The following CHCHD6 variants were observed in gnomAD, a reference collection of about 807,000 sequenced individuals.
The protein encoded by CHCHD6 is coiled-coil-helix-coiled-coil-helix domain containing 6.
In CHCHD6, 28 loss-of-function variants were observed where a neutral mutation model predicts 32.3. That is an observed-to-expected ratio of 0.87 (90% CI 0.64 to 1.19). The LOEUF is 1.19. Ranked by LOEUF, CHCHD6 falls within the 50% of genes most tolerant of loss-of-function variation. The pLI is 0.00. For synonymous variants in CHCHD6, 122 were observed against 117.5 expected, an observed-to-expected ratio of 1.04 and a Z score of -0.25; for missense variants, 333 against 307.0, an observed-to-expected ratio of 1.08 and a Z score of -0.63.
intron 5 of CHCHD6, among the ~76,000 whole-genome samples, chr3:126,899,135 A>G (rs907342071): frequency 6.6e-6 from 1 of 152,204 alleles, no homozygotes; most frequent in Non-Finnish European, 1.5e-5. Flanking sequence ...CTTTCTGTGC[A>G]GTGTTTGGAG....
intron 5 of CHCHD6, among the ~76,000 whole-genome samples, chr3:126,911,177 T>G (rs1454123093): frequency 6.6e-6 from 1 of 152,164 alleles, no homozygotes; most frequent in Admixed American, 6.5e-5. Context: ...GAGGACTGGC[T>G]GAGTACCCCA....
intron 4 of CHCHD6, among the ~76,000 whole-genome samples, chr3:126,850,117 T>A (rs1299985348): frequency 6.6e-6 from 1 of 152,226 alleles, no homozygotes; most frequent in Admixed American, 6.5e-5. Context: ...TGTCAGTCAT[T>A]GGGATTGCAT....
intron 5 of CHCHD6, among the ~76,000 whole-genome samples, chr3:126,877,547 T>G (rs1341135233): frequency 7.1e-6 from 1 of 141,164 alleles, no homozygotes; most frequent in Non-Finnish European, 1.6e-5. Flanking sequence ...AGAGTGAGAC[T>G]CCATCTCAAA....
intron 5 of CHCHD6, among the ~76,000 whole-genome samples, chr3:126,914,057 C>CAGAT (rs1299150154): frequency 2.6e-5 from 4 of 152,166 alleles, no homozygotes; most frequent in African/African-American, 9.7e-5. Flanking sequence ...ACAATCTGGA[C>CAGAT]AGATGGTTGC....
intron 4 of CHCHD6, among the ~76,000 whole-genome samples, chr3:126,798,134 G>C (rs969030871): frequency 4.6e-5 from 7 of 152,182 alleles, no homozygotes; most frequent in Non-Finnish European, 1.0e-4. Flanking sequence ...TGGTGTGCTG[G>C]AGGTTCTGCG....
intron 1 of CHCHD6, among the ~76,000 whole-genome samples, chr3:126,716,485 C>T (rs1211856651): frequency 3.3e-5 from 5 of 152,062 alleles, no homozygotes; most frequent in Non-Finnish European, 7.4e-5. Context: ...CCCTCTGTAT[C>T]TGTCTCCTCC....
At chr3:126,822,370 A>G (rs1940188508) in intron 4 of CHCHD6, among the ~76,000 whole-genome samples, 1 of 152,212 alleles carries the variant, frequency 6.6e-6, no homozygotes, top group Non-Finnish European at 1.5e-5. Flanking sequence ...AATCAATTGA[A>G]TGTAAATATA....
chr3:126,933,455 C>T (rs1224388227), intron 6 of CHCHD6, among the ~76,000 whole-genome samples: 2 of 152,182 alleles, frequency 1.3e-5, no homozygotes, highest in Non-Finnish European at 1.5e-5. Flanking sequence ...TTATTTGGCT[C>T]ATGGTCCTAC....
At chr3:126,944,305 C>G (rs971398900) in intron 6 of CHCHD6, among the ~76,000 whole-genome samples, 1 of 152,280 alleles carries the variant, frequency 6.6e-6, no homozygotes, top group Non-Finnish European at 1.5e-5. Flanking sequence ...ACATCCACAT[C>G]TGGTGTGTCA....
intron 4 of CHCHD6, among the ~76,000 whole-genome samples, chr3:126,769,955 G>A (rs983365777): frequency 1.3e-5 from 2 of 152,028 alleles, no homozygotes; most frequent in African/African-American, 4.8e-5. Flanking sequence ...CTAGTTTTTT[G>A]TATCCGTGAG....
At chr3:126,831,521 C>T (rs1489206567) in intron 4 of CHCHD6, among the ~76,000 whole-genome samples, 3 of 152,192 alleles carry the variant, frequency 2.0e-5, no homozygotes, top group Admixed American at 6.5e-5. Flanking sequence ...GTGCCCACAA[C>T]ACCTTGTACA....
chr3:126,923,439 C>T (rs1489821806), intron 6 of CHCHD6, among the ~76,000 whole-genome samples: 2 of 152,236 alleles, frequency 1.3e-5, no homozygotes, highest in East Asian at 1.9e-4. Flanking sequence ...TTGAGAGATG[C>T]TCACCAAGTC....
chr3:126,778,070 C>T (rs1462486721), intron 4 of CHCHD6, among the ~76,000 whole-genome samples: 5 of 152,196 alleles, frequency 3.3e-5, no homozygotes, highest in Non-Finnish European at 4.4e-5. Flanking sequence ...ATAATGTGTT[C>T]AAGATTCACC....
At chr3:126,829,799 T>C (rs1940558777) in intron 4 of CHCHD6, among the ~76,000 whole-genome samples, 1 of 152,106 alleles carries the variant, frequency 6.6e-6, no homozygotes. Context: ...AGAATTGTGA[T>C]GAAATAAATG....
intron 6 of CHCHD6, chr3:126,935,180 A>T (rs1455958746): frequency 8.1e-6 from 8 of 987,206 alleles, no homozygotes; most frequent in Non-Finnish European, 7.2e-6. Context: ...TCTGCCTTGA[A>T]TGTCAGGTAG....
chr3:126,948,175 A>G (rs570209074), intron 6 of CHCHD6, among the ~76,000 whole-genome samples: 1 of 152,350 alleles, frequency 6.6e-6, no homozygotes, highest in East Asian at 1.9e-4. Context: ...GCCTGATGAC[A>G]TGGGTTTCCC....
At chr3:126,896,397 G>A (rs917235882) in intron 5 of CHCHD6, among the ~76,000 whole-genome samples, 9 of 152,156 alleles carry the variant, frequency 5.9e-5, no homozygotes, top group East Asian at 3.9e-4. Flanking sequence ...CCAGAACCAG[G>A]AGGTGACAGG....
At chr3:126,865,475 C>G (rs1278178265) in intron 5 of CHCHD6, 7 of 714,752 alleles carry the variant, frequency 9.8e-6, no homozygotes, top group Non-Finnish European at 1.2e-5. Context: ...ACACTTTCAT[C>G]AACTCCATCA....
chr3:126,928,743 A>C (rs1184536704), intron 6 of CHCHD6, among the ~76,000 whole-genome samples: 1 of 152,174 alleles, frequency 6.6e-6, no homozygotes, highest in Non-Finnish European at 1.5e-5. Context: ...TTCCAACGTC[A>C]TCATTCCCAC....
Sources: allele counts gnomAD v4.1 joint callset (sites outside exome capture counted in the v4.1 genomes callset), GRCh38; gene constraint gnomAD v4.1.1; transcripts MANE v1.5; gene names NCBI Gene and HGNC (gene_info 2026-07-23, HGNC 2026-07-21).